The following SERPINB10 variants were observed in gnomAD, a reference collection of about 807,000 sequenced individuals.
SERPINB10 encodes the protein serpin family B member 10.
SERPINB10 carries 35 observed loss-of-function variants against 39.1 expected under a neutral mutation model. The observed-to-expected ratio is 0.90, with a 90% CI of 0.68 to 1.19. The LOEUF is 1.19. Ranked by LOEUF, SERPINB10 falls within the 50% of genes most tolerant of loss-of-function variation. SERPINB10 has a pLI of 0.00. For missense variants in SERPINB10, 546 were observed against 460.5 expected (o/e 1.19, Z -1.70); for synonymous variants, 190 against 158.1 (o/e 1.20, Z -1.52).
rs866686311 is a variant in SERPINB10 at position 63,925,319 on chromosome 18, A to G, written c.491-4726A>G. ...TTGCTGAGAGGATCTGGAAGCAATG[A>G]CATCCCAATAGTAATCAGCATATCT... On this transcript the variant is annotated intron_variant, in intron 5 of 7. Coordinates refer to ENST00000238508, the MANE Select transcript of SERPINB10 (RefSeq NM_005024.3). 2.6e-5 allele frequency among the ~76,000 whole-genome samples: 4 copies of G among 152,000 alleles called. 1 individual carries two copies. The South Asian group carries it at 8.3e-4, about 31-fold the overall frequency.
rs942396129 is a variant in SERPINB10 at position 63,918,050 on chromosome 18, T to G, written c.320T>G (p.Leu107Ter). 2 of 1,612,434 alleles carry G rather than the reference T, an allele frequency of 1.2e-6. No individual in the cohort carries two copies. The highest frequency in any genetic ancestry group is 1.7e-6 in the Non-Finnish European group (2 of 1,179,006). The change falls in exon 4 of 8, where the codon TTA becomes TGA. Residue 107 changes from leucine to a stop codon, truncating the protein, a stop_gained. Transcript: ENST00000238508. LOFTEE classifies it high-confidence loss of function. The part of the protein sequence containing the change: ...SEILKPNDDY[L>*]LKTANAIYGE... Reference sequence around the variant, plus strand: ...ATCCTCAAGCCCAACGATGACTACTTACTTAAAACAGCCAATGCGATATAT... The same window carrying G: ...ATCCTCAAGCCCAACGATGACTACTGACTTAAAACAGCCAATGCGATATAT...
rs916909565 is a variant in SERPINB10 at position 63,932,569 on chromosome 18, T to C, written c.634-479T>C. On this transcript the variant is annotated intron_variant, in intron 6 of 7. Coordinates refer to ENST00000238508, the MANE Select transcript of SERPINB10 (RefSeq NM_005024.3). The stretch of plus-strand genomic sequence containing the variant: ...TAAAAAAACTGGCTTGTTTGTTTTA[T>C]TATTGTTGAGTTTTTTATTATTTGT... 5.3e-5 allele frequency among the ~76,000 whole-genome samples: 8 copies of C among 152,362 alleles called. No individual in the cohort carries two copies. In the South Asian group the frequency reaches 6.2e-4, roughly 12 times the overall value.
chr18:63,924,567 TTAGG>T (rs1189877820), intron 5 of SERPINB10, among the ~76,000 whole-genome samples: 1 of 151,932 alleles, frequency 6.6e-6, no homozygotes, highest in Non-Finnish European at 1.5e-5. Context: ...TTTTAAGTCT[TTAGG>T]AGATTCTAAT....
chr18:63,919,851 GCTT>G lies in SERPINB10; in HGVS notation c.439_441del (p.Ser147del), dbSNP rs766388939. On this transcript the variant is annotated inframe_deletion, in exon 5 of 8. Transcript: ENST00000238508. ...ACCTCAGCCTGTTAACTTTGTGGAA[GCTT>G]CTGATCAAATCAGAAAGGACATCAA... The G allele has an allele frequency of 1.2e-6, 2 of 1,610,696 alleles. No homozygotes were observed. Among genetic ancestry groups the G allele is most frequent in the Non-Finnish European group, 1.7e-6 (2 of 1,178,194 alleles).
chr18:63,914,634 T>C (rs1297143586), intron 1 of SERPINB10, among the ~76,000 whole-genome samples: 1 of 152,048 alleles, frequency 6.6e-6, no homozygotes, highest in Admixed American at 6.6e-5. Flanking sequence ...GGTAGCATAA[T>C]ATCCATGCAG....
intron 2 of SERPINB10, among the ~76,000 whole-genome samples, chr18:63,916,398 C>T (rs938978892): frequency 6.8e-6 from 1 of 147,216 alleles, no homozygotes; most frequent in Non-Finnish European, 1.5e-5. Flanking sequence ...TCTTGCAAAA[C>T]CAAAAGGCCA....
intron 7 of SERPINB10, among the ~76,000 whole-genome samples, chr18:63,933,858 T>C (rs1045757011): frequency 6.6e-6 from 1 of 152,232 alleles, no homozygotes; most frequent in African/African-American, 2.4e-5. Flanking sequence ...GGCCTGTCTT[T>C]CTTTGCACAG....
Position 63,933,061 on chromosome 18 carries a change from C to A in SERPINB10, c.647C>A (p.Pro216Gln), listed in dbSNP as rs1210616120. 1.1e-5 allele frequency: 18 copies of A among 1,613,246 alleles called. No homozygotes were observed. Among genetic ancestry groups the A allele is most frequent in the Non-Finnish European group, 1.5e-5 (18 of 1,179,820 alleles). Residue 216 changes from proline (P) to glutamine (Q), a missense_variant, in exon 7 of 8, where the codon CCA becomes CAA. By Grantham distance (76) the Pro-to-Gln change is moderately conservative. Coordinates refer to ENST00000238508, the MANE Select transcript of SERPINB10 (RefSeq NM_005024.3). Reference protein sequence around the residue: ...PFRINETTSKPVQMMFMKKKL... With the variant: ...PFRINETTSKQVQMMFMKKKL... ...TGTTTTTTTTAGACTACAAGCAAACCAGTGCAAATGATGTTTATGAAGAAA... is the reference window on the plus strand; with the variant it reads ...TGTTTTTTTTAGACTACAAGCAAACAAGTGCAAATGATGTTTATGAAGAAA...
intron 1 of SERPINB10, among the ~76,000 whole-genome samples, chr18:63,913,043 AG>A (rs1568242415): frequency 6.1e-4 from 92 of 151,986 alleles, no homozygotes; most frequent in African/African-American, 2.1e-3. Flanking sequence ...CATTTTCTCT[AG>A]ATTATCTAGT....
chr18:63,926,326 G>A (rs1439584689), intron 5 of SERPINB10, among the ~76,000 whole-genome samples: 2 of 151,876 alleles, frequency 1.3e-5, no homozygotes, highest in African/African-American at 4.8e-5. Context: ...TCCTCTCTGT[G>A]TGCCTATGTC....
In SERPINB10 at chr18:63,917,977, A is replaced by G. The variant is rs142353939; in HGVS notation, c.247A>G (p.Ser83Gly). Reference sequence around the variant, plus strand: ...TTCTCTTTTAAAGGAATTCAACTTGAGCAACTCGGAAGAAATACACTCTGA... The same window carrying G: ...TTCTCTTTTAAAGGAATTCAACTTGGGCAACTCGGAAGAAATACACTCTGA... ...EKKRKMEFNL[S>G]NSEEIHSDFQ... The change falls in exon 4 of 8, where the codon AGC (serine) becomes GGC (glycine). Residue 83 changes from serine (S) to glycine (G), a missense_variant. Coordinates refer to ENST00000238508, the MANE Select transcript of SERPINB10 (RefSeq NM_005024.3). The G allele has an allele frequency of 1.2e-5, 19 of 1,611,742 alleles. No individual in the cohort carries two copies. Among genetic ancestry groups the G allele is most frequent in the Non-Finnish European group, 1.5e-5 (18 of 1,178,682 alleles).
At chr18:63,920,291 A>C (rs1193252231) in intron 5 of SERPINB10, among the ~76,000 whole-genome samples, 2 of 152,068 alleles carry the variant, frequency 1.3e-5, no homozygotes, top group Non-Finnish European at 2.9e-5. Flanking sequence ...ATAGAATCTT[A>C]AATACTTTTC....
At chr18:63,908,266 C>CA (rs1243283732) in intron 1 of SERPINB10, among the ~76,000 whole-genome samples, 1 of 151,770 alleles carries the variant, frequency 6.6e-6, no homozygotes, top group Non-Finnish European at 1.5e-5. Flanking sequence ...CATTCATTCC[C>CA]AAAAAAAGTT....
At chr18:63,909,881 G>A (rs1348328946) in intron 1 of SERPINB10, among the ~76,000 whole-genome samples, 1 of 152,024 alleles carries the variant, frequency 6.6e-6, no homozygotes, top group Non-Finnish European at 1.5e-5. Context: ...GAAAGTCACA[G>A]GCAAATATTC....
At chr18:63,914,770 C>A (rs1161902086) in intron 1 of SERPINB10, among the ~76,000 whole-genome samples, 1 of 151,872 alleles carries the variant, frequency 6.6e-6, no homozygotes, top group African/African-American at 2.4e-5. Flanking sequence ...CATTTTCAGG[C>A]CAGGTACATG....
chr18:63,929,776 A>T (rs1370321651), intron 5 of SERPINB10, among the ~76,000 whole-genome samples: 1 of 151,234 alleles, frequency 6.6e-6, no homozygotes, highest in Non-Finnish European at 1.5e-5. Flanking sequence ...CTTATATTAC[A>T]GGGAAGTTTT....
At chr18:63,916,337 T>C (rs1304132919) in intron 2 of SERPINB10, among the ~76,000 whole-genome samples, 1 of 128,872 alleles carries the variant, frequency 7.8e-6, no homozygotes, top group Non-Finnish European at 1.6e-5. Flanking sequence ...TATATAAATG[T>C]GATTTTAAAT....
chr18:63,908,038 A>G lies in SERPINB10; in HGVS notation c.-12A>G. On this transcript the variant is annotated splice_region_variant and 5_prime_UTR_variant, in exon 1 of 8. Coordinates refer to ENST00000238508, the MANE Select transcript of SERPINB10 (RefSeq NM_005024.3). ...CAATTCTGCTCCAGTGGGAGAAAAC[A>G]AGGTATTGTAAATATTTCTTTGGTT... 6.0e-6 allele frequency: 2 copies of G among 332,256 alleles called. No individual in the cohort carries two copies. The highest frequency in any genetic ancestry group is 2.5e-5 in the South Asian group (1 of 40,816). 20.6% of individuals were successfully genotyped at this position (332,256 alleles called of 1,614,324 possible). A position where few individuals can be genotyped will look rare whatever the true frequency, so the allele number is the denominator to read the frequency against.
rs145377537 is a variant in SERPINB10 at position 63,930,520 on chromosome 18, A to G, written c.633+333A>G. Among the ~76,000 whole-genome samples the G allele has an allele frequency of 3.9e-4, 60 of 152,282 alleles. No homozygotes were observed. In the East Asian group the frequency reaches 8.1e-3, roughly 21 times the overall value. On this transcript the variant is annotated intron_variant, in intron 6 of 7. Transcript: ENST00000238508. ...AAGCAGTCCAGAACAAGAACCTAAGAGTCCTCACTGCAAGTTCTGTACCTG... is the reference window on the plus strand; with the variant it reads ...AAGCAGTCCAGAACAAGAACCTAAGGGTCCTCACTGCAAGTTCTGTACCTG...
Sources: gnomAD v4.1 joint callset for allele counts (sites outside exome capture counted in the v4.1 genomes callset) on GRCh38, gnomAD v4.1.1 for gene constraint, MANE v1.5 for transcripts, NCBI Gene and HGNC (gene_info 2026-07-23, HGNC 2026-07-21) for gene names.